Variants in LRRC4C observed in about 807,000 individuals in gnomAD.
LRRC4C encodes the protein leucine rich repeat containing 4C, also known as leucine-rich repeat-containing protein 4C.
A neutral mutation model predicts 33.6 loss-of-function variants in LRRC4C; 5 were observed. That is an observed-to-expected ratio of 0.15 (90% CI 0.08 to 0.31). The LOEUF (loss-of-function observed/expected upper bound fraction) is 0.31. LRRC4C is among the 10% of genes least tolerant of loss of function. The probability of loss-of-function intolerance (pLI) is 1.00; values close to 1 mark genes in which losing one functional copy is unlikely to be tolerated. For synonymous variants in LRRC4C, 329 were observed against 302.0 expected, an observed-to-expected ratio of 1.09 and a Z score of -0.93; for missense variants, 560 against 796.7, an observed-to-expected ratio of 0.70 and a Z score of 3.58.
chr11:40,612,582 C>T (rs1015330622), intron 3 of LRRC4C, among the ~76,000 whole-genome samples: 5 of 151,850 alleles, frequency 3.3e-5, no homozygotes, highest in African/African-American at 4.8e-5. Context: ...TTGAAATATG[C>T]ACTTCAAAAT....
chr11:40,608,493 A>G (rs1018677489), intron 3 of LRRC4C, among the ~76,000 whole-genome samples: 41 of 152,242 alleles, frequency 2.7e-4, no homozygotes, highest in African/African-American at 9.1e-4. Flanking sequence ...AAGCTACAAA[A>G]TATACAGAAA....
At chr11:41,213,337 G>T (rs1331506734) in intron 1 of LRRC4C, among the ~76,000 whole-genome samples, 2 of 152,162 alleles carry the variant, frequency 1.3e-5, no homozygotes, top group Non-Finnish European at 2.9e-5. Flanking sequence ...ATTATGCGGA[G>T]AAATGGACAT....
chr11:41,242,478 A>G (rs1948292168), intron 1 of LRRC4C, among the ~76,000 whole-genome samples: 1 of 152,156 alleles, frequency 6.6e-6, no homozygotes, highest in African/African-American at 2.4e-5. Flanking sequence ...TAGAAAATTC[A>G]GAAACACCTA....
At chr11:40,932,693 G>A (rs914546901) in intron 2 of LRRC4C, among the ~76,000 whole-genome samples, 8 of 152,078 alleles carry the variant, frequency 5.3e-5, no homozygotes, top group Non-Finnish European at 1.2e-4. Context: ...AGAAAAATTC[G>A]GTGCTGTGCA....
At chr11:40,772,509 A>G (rs1949801763) in intron 2 of LRRC4C, among the ~76,000 whole-genome samples, 1 of 152,204 alleles carries the variant, frequency 6.6e-6, no homozygotes, top group Non-Finnish European at 1.5e-5. Context: ...AAATTAAAAG[A>G]TCTAACAATC....
chr11:40,991,786 T>C (rs1226034219), intron 1 of LRRC4C, among the ~76,000 whole-genome samples: 1 of 152,110 alleles, frequency 6.6e-6, no homozygotes, highest in Non-Finnish European at 1.5e-5. Flanking sequence ...CCCCTGCTGG[T>C]CCGACAGGAG....
chr11:41,209,240 AT>A (rs1946722548), intron 1 of LRRC4C, among the ~76,000 whole-genome samples: 1 of 149,572 alleles, frequency 6.7e-6, no homozygotes, highest in Non-Finnish European at 1.5e-5. Flanking sequence ...TTAAATATAC[AT>A]AAATATTAAA....
chr11:41,285,085 C>T (rs1447361137), intron 1 of LRRC4C, among the ~76,000 whole-genome samples: 4 of 152,066 alleles, frequency 2.6e-5, no homozygotes, highest in African/African-American at 9.7e-5. Flanking sequence ...TGCAACTTGC[C>T]CTGATCTGTT....
chr11:41,345,372 TAAAAC>T (rs1951770264), intron 1 of LRRC4C, among the ~76,000 whole-genome samples: 1 of 152,180 alleles, frequency 6.6e-6, no homozygotes, highest in Non-Finnish European at 1.5e-5. Flanking sequence ...TTTTAAAAAA[TAAAAC>T]AAAATGTATT....
At chr11:40,169,082 C>T (rs1365034655) in intron 5 of LRRC4C, among the ~76,000 whole-genome samples, 1 of 152,020 alleles carries the variant, frequency 6.6e-6, no homozygotes, top group African/African-American at 2.4e-5. Context: ...GCTTTAAAAA[C>T]GAATGAGTAT....
chr11:40,953,625 C>T (rs1250596896), intron 1 of LRRC4C, among the ~76,000 whole-genome samples: 1 of 151,826 alleles, frequency 6.6e-6, no homozygotes, highest in East Asian at 1.9e-4. Flanking sequence ...TTACTAGATA[C>T]TATGAATACT....
chr11:41,371,970 C>T (rs1000608452), intron 1 of LRRC4C, among the ~76,000 whole-genome samples: 7 of 152,138 alleles, frequency 4.6e-5, no homozygotes, highest in African/African-American at 1.7e-4. Flanking sequence ...CCCGTCTCTA[C>T]TAAAAAATAC....
intron 1 of LRRC4C, among the ~76,000 whole-genome samples, chr11:41,434,324 C>A (rs1038505806): frequency 2.6e-5 from 4 of 151,978 alleles, no homozygotes; most frequent in African/African-American, 9.7e-5. Context: ...TTTTAATAGA[C>A]TTTTCAGATA....
At chr11:40,581,175 A>C (rs1431815047) in intron 3 of LRRC4C, among the ~76,000 whole-genome samples, 1 of 152,256 alleles carries the variant, frequency 6.6e-6, no homozygotes, top group African/African-American at 2.4e-5. Context: ...TTACACTAAC[A>C]GAAAATTGCC....
chr11:40,942,049 G>A (rs1327002295), intron 1 of LRRC4C, among the ~76,000 whole-genome samples: 2 of 152,092 alleles, frequency 1.3e-5, no homozygotes, highest in Admixed American at 6.6e-5. Context: ...TTCAGACTAC[G>A]GTGAATGTCT....
chr11:40,350,561 C>T (rs1947337057), intron 3 of LRRC4C, among the ~76,000 whole-genome samples: 1 of 151,948 alleles, frequency 6.6e-6, no homozygotes, highest in African/African-American at 2.4e-5. Flanking sequence ...CTCAGAATGG[C>T]TTTAGCTATT....
chr11:40,211,728 C>T (rs574946201), intron 5 of LRRC4C, among the ~76,000 whole-genome samples: 11 of 152,238 alleles, frequency 7.2e-5, no homozygotes, highest in African/African-American at 2.4e-4. Context: ...GCCAAAATGT[C>T]AGGTAAACAT....
chr11:40,830,035 T>C (rs1223307684), intron 2 of LRRC4C, among the ~76,000 whole-genome samples: 1 of 151,934 alleles, frequency 6.6e-6, no homozygotes, highest in African/African-American at 2.4e-5. Context: ...GAGGGATGAA[T>C]AGGTGTTTCT....
intron 5 of LRRC4C, among the ~76,000 whole-genome samples, chr11:40,161,623 G>A (rs564907360): frequency 6.6e-6 from 1 of 152,144 alleles, no homozygotes; most frequent in South Asian, 2.1e-4. Flanking sequence ...GCATGGCAGT[G>A]TTGTGCCTGT....
Sources: gnomAD v4.1 joint callset for allele counts (sites outside exome capture counted in the v4.1 genomes callset) on GRCh38, gnomAD v4.1.1 for gene constraint, MANE v1.5 for transcripts, NCBI Gene and HGNC (gene_info 2026-07-23, HGNC 2026-07-21) for gene names.